USP7: variants seen among roughly 807,000 people sequenced by gnomAD.
USP7 encodes the protein ubiquitin C-terminal hydrolase 7.
A neutral mutation model predicts 162.9 loss-of-function variants in USP7; 9 were observed. The ratio of observed to expected loss-of-function variants is 0.06; its 90% CI spans 0.03 to 0.10. The LOEUF is 0.10. Ranked by LOEUF, USP7 falls within the 10% of genes least tolerant of loss-of-function variation. The pLI is 1.00. For synonymous variants in USP7, 562 were observed against 475.9 expected (o/e 1.18, Z -2.35); for missense variants, 715 against 1,373.7 (o/e 0.52, Z 7.58).
At chr16:8,902,312 T>C in intron 17 of USP7, 69 bp downstream of exon 17, 9 of 1,579,346 alleles carry the variant, frequency 5.7e-6, no homozygotes, top group Non-Finnish European at 7.8e-6. Flanking sequence ...GGAAACAAGC[T>C]GCACTAAGTG....
chr16:8,947,346 T>C (rs1899331836), intron 1 of USP7, among the ~76,000 whole-genome samples: 1 of 147,988 alleles, frequency 6.8e-6, no homozygotes, highest in South Asian at 2.1e-4. Flanking sequence ...TCCACAGCAC[T>C]CCCCCCCCCA....
At chr16:8,954,472 C>G (rs6498271) in intron 1 of USP7, among the ~76,000 whole-genome samples, 38,424 of 152,058 alleles carry the variant, frequency 0.25, 5,959 homozygotes, top group African/African-American at 0.44. Context: ...GGCAATGGGA[C>G]CACAATACAG....
At chr16:8,917,356 A>C (rs555037810) in intron 6 of USP7, among the ~76,000 whole-genome samples, 200 bp from the exon 7 acceptor site, 1 of 152,364 alleles carries the variant, frequency 6.6e-6, no homozygotes, top group African/African-American at 2.4e-5. Context: ...ACTGGAAAAC[A>C]TAAGAATGCA....
intron 16 of USP7, among the ~76,000 whole-genome samples, chr16:8,902,849 C>G (rs775357490): frequency 6.6e-6 from 1 of 151,948 alleles, no homozygotes; most frequent in African/African-American, 2.4e-5. Flanking sequence ...GATCGCGCCA[C>G]TGGGCAACAA....
rs55937310 is a variant in USP7, at chr16:8,892,606, TAAAAAAAAAAAAAA to T, written c.*1378_*1391del. 1 of 120,020 alleles carries T rather than the reference TAAAAAAAAAAAAAA, an allele frequency of 8.3e-6. No individual in the cohort carries two copies. Among genetic ancestry groups the T allele is most frequent in the Non-Finnish European group, 1.7e-5 (1 of 57,826 alleles). 7.4% of individuals were successfully genotyped at this position (120,020 alleles called of 1,614,324 possible). The stretch of plus-strand genomic sequence containing the variant: ...AGAGTAAATGTGACTAGTTAGAGGC[TAAAAAAAAAAAAAA>T]AAAAAAAAAGAAACAAGAGACCCTG... On this transcript the variant is annotated 3_prime_UTR_variant, in exon 31 of 31. Transcript: ENST00000344836.
intron 2 of USP7, among the ~76,000 whole-genome samples, chr16:8,926,141 G>A (rs937019465): frequency 2.9e-5 from 4 of 139,452 alleles, no homozygotes; most frequent in South Asian, 4.7e-4. Context: ...GCGACAGAGC[G>A]AGACTCCGTC....
At chr16:8,897,296 A>C in intron 25 of USP7, 197 bp from the exon 26 acceptor site, 1 of 550,516 alleles carries the variant, frequency 1.8e-6, no homozygotes, top group Non-Finnish European at 3.2e-6. Context: ...ATCTAGGACC[A>C]ACCAAATACT....
intron 5 of USP7, among the ~76,000 whole-genome samples, 198 bp from the exon 6 acceptor site, chr16:8,919,337 C>T (rs982576124): frequency 2.0e-5 from 3 of 152,006 alleles, no homozygotes; most frequent in Non-Finnish European, 2.9e-5. Context: ...CCCCCACATT[C>T]GCACAGCCCT....
chr16:8,910,839 G>GA lies in USP7; in HGVS notation c.1079-13dup. 1 of 1,611,182 alleles carries GA rather than the reference G, an allele frequency of 6.2e-7. No homozygotes were observed. Among genetic ancestry groups the GA allele is most frequent in the South Asian group, 1.1e-5 (1 of 90,988 alleles). Reference sequence around the variant, plus strand: ...AAATGATTCAAATACTTTAAAGAGAGAGAGAGAAAAGTCAAGTGCTAAAGC... The same window carrying GA: ...AAATGATTCAAATACTTTAAAGAGAGAAGAGAGAAAAGTCAAGTGCTAAAGC... On this transcript the variant is annotated splice_polypyrimidine_tract_variant and intron_variant, in intron 10 of 30. Coordinates refer to ENST00000344836, the MANE Select transcript of USP7 (RefSeq NM_003470.3).
Position 8,897,033 on chromosome 16 carries a change from C to T in USP7, c.2785G>A (p.Val929Met), listed in dbSNP as rs368894909. The change falls in exon 26 of 31, where the codon GTG (valine) becomes ATG (methionine). Residue 929 changes from valine to methionine, a missense_variant. Physicochemically the swap from Val to Met is conservative, Grantham distance 21. Transcript: ENST00000344836. The stretch of plus-strand genomic sequence containing the variant: ...CCTGATGCTTTCTCCCCAAGCTCCA[C>T]GGCCTTTTTACATTCTTCTAACAGG... ...RDLLEECKKA[V>M]ELGEKASGKL... The T allele has an allele frequency of 1.1e-5, 17 of 1,614,028 alleles. No individual in the cohort carries two copies. Among genetic ancestry groups the T allele is most frequent in the Middle Eastern group, 1.6e-4 (1 of 6,084 alleles).
rs2304466 is a variant in USP7 at position 8,902,070 on chromosome 16, G to A, written c.2047+12C>T. The A allele has an allele frequency of 0.51, 813,622 of 1,611,018 alleles. 210,528 individuals are homozygous for A. Among genetic ancestry groups the A allele is most frequent in the East Asian group, 0.65 (29,098 of 44,852 alleles). ...TGCTCTAAGTGCAGGCAGGCGTCTC[G>A]TGGGCACTTACGATCTTTATCAAAC... On this transcript the variant is annotated intron_variant, in intron 18 of 30. Transcript: ENST00000344836.
At chr16:8,899,091 A>C (rs765159174) in intron 23 of USP7, 30 bp downstream of exon 23, 8 of 1,612,064 alleles carry the variant, frequency 5.0e-6, no homozygotes, top group Non-Finnish European at 6.8e-6. Context: ...TGCAGTCAAG[A>C]CCAAGCAAGT....
At chr16:8,947,702 C>A (rs756799606) in intron 1 of USP7, among the ~76,000 whole-genome samples, 1 of 152,148 alleles carries the variant, frequency 6.6e-6, no homozygotes, top group African/African-American at 2.4e-5. Context: ...GTAGCTATAA[C>A]CCACCCACCA....
Position 8,922,360 on chromosome 16 carries a change from C to T in USP7, c.383+855G>A, listed in dbSNP as rs569654439. Reference sequence around the variant, plus strand: ...AAAATTAGCTGGGTGTGGTGGCACACGCCTATAGTCCCAGCTACTTGAGAC... The same window carrying T: ...AAAATTAGCTGGGTGTGGTGGCACATGCCTATAGTCCCAGCTACTTGAGAC... On this transcript the variant is annotated intron_variant, in intron 3 of 30. Transcript: ENST00000344836. Among the ~76,000 whole-genome samples, 18 of 152,282 alleles carry T rather than the reference C, an allele frequency of 1.2e-4. No individual in the cohort carries two copies. In the South Asian group the frequency reaches 3.7e-3, roughly 32 times the overall value.
chr16:8,941,218 T>C (rs1447179929), intron 1 of USP7, among the ~76,000 whole-genome samples: 1 of 152,100 alleles, frequency 6.6e-6, no homozygotes, highest in East Asian at 1.9e-4. Context: ...CTGAAACCTC[T>C]TGGAAGGAGC....
chr16:8,945,251 G>A (rs1295034657), intron 1 of USP7, among the ~76,000 whole-genome samples: 1 of 151,994 alleles, frequency 6.6e-6, no homozygotes, highest in Non-Finnish European at 1.5e-5. Flanking sequence ...AGGTGTGGTG[G>A]TGCACACCTG....
intron 1 of USP7, among the ~76,000 whole-genome samples, chr16:8,934,878 C>T (rs1276432791): frequency 7.2e-5 from 11 of 152,164 alleles, no homozygotes; most frequent in Admixed American, 7.2e-4. Context: ...GCAGGAGATC[C>T]CGTTTTTAAA....
intron 26 of USP7, 37 bp from the exon 27 acceptor site, chr16:8,895,778 G>T: frequency 7.5e-7 from 1 of 1,337,614 alleles, no homozygotes; most frequent in Non-Finnish European, 1.0e-6. Flanking sequence ...GCAAAATGAA[G>T]TATATATATT....
intron 13 of USP7, 105 bp downstream of exon 13, chr16:8,906,321 T>C (rs990774632): frequency 1.5e-6 from 2 of 1,342,916 alleles, no homozygotes; most frequent in Admixed American, 2.3e-5. Context: ...ATAGATCAGT[T>C]AGGGGTCCCT....
Sources: gnomAD v4.1 joint callset for allele counts (sites outside exome capture counted in the v4.1 genomes callset) on GRCh38, gnomAD v4.1.1 for gene constraint, MANE v1.5 for transcripts, NCBI Gene and HGNC (gene_info 2026-07-23, HGNC 2026-07-21) for gene names.